NHSL2: variants seen among roughly 807,000 people sequenced by gnomAD.
NHSL2 encodes the protein NHS like 2, also known as NHS-like protein 2.
In NHSL2, 27 loss-of-function variants were observed where a neutral mutation model predicts 53.4. That is an observed-to-expected ratio of 0.51 (90% CI 0.37 to 0.70). NHSL2 has a LOEUF of 0.70. Among genes scored for constraint, NHSL2 ranks in the 30% least tolerant of loss-of-function variants. The pLI, the probability that NHSL2 is intolerant of heterozygous loss-of-function variation, is 0.00. For missense variants in NHSL2, 892 were observed against 980.1 expected, an observed-to-expected ratio of 0.91 and a Z score of 1.20; for synonymous variants, 408 against 404.1, an observed-to-expected ratio of 1.01 and a Z score of -0.12.
intron 1 of NHSL2, among the ~76,000 whole-genome samples, chrX:71,965,188 C>A (rs1409916247): frequency 8.9e-6 from 1 of 112,433 alleles, no homozygotes; most frequent in Admixed American, 9.4e-5. Flanking sequence ...CATCACCATA[C>A]ACCAGGTCAT....
chrX:71,923,743 G>A (rs1398066032), intron 1 of NHSL2, among the ~76,000 whole-genome samples: 4 of 111,850 alleles, frequency 3.6e-5, no homozygotes, highest in African/African-American at 6.5e-5. Context: ...GTTGTTTGAC[G>A]TGGCTGTGCT....
chrX:71,921,017 C>T, intron 1 of NHSL2, among the ~76,000 whole-genome samples: 1 of 109,036 alleles, frequency 9.2e-6, no homozygotes, highest in South Asian at 4.2e-4. Flanking sequence ...GTTGGTCAGG[C>T]TGGTCTTGAA....
At chrX:72,007,703 G>A (rs2042100156) in intron 1 of NHSL2, among the ~76,000 whole-genome samples, 1 of 113,271 alleles carries the variant, frequency 8.8e-6, no homozygotes, top group Non-Finnish European at 1.9e-5. Context: ...AGGTCCTAAG[G>A]AGGGTTAAGA....
intron 1 of NHSL2, among the ~76,000 whole-genome samples, chrX:72,026,816 G>A (rs1371716134): frequency 1.8e-5 from 2 of 111,911 alleles, no homozygotes; most frequent in Non-Finnish European, 3.8e-5. Context: ...GATCACATCC[G>A]GATTCCACCA....
intron 1 of NHSL2, among the ~76,000 whole-genome samples, chrX:72,061,620 C>T (rs1300001053): frequency 8.9e-6 from 1 of 112,086 alleles, no homozygotes; most frequent in East Asian, 2.8e-4. Context: ...ACATGGTGGT[C>T]TTTTAAACAT....
At position 71,978,123 on chromosome X, in the gene NHSL2, C is replaced by T. The variant is rs754755647; in HGVS notation, c.280+66756C>T. Among the ~76,000 whole-genome samples the T allele has an allele frequency of 6.2e-5, 7 of 112,666 alleles. No individual in the cohort carries two copies. The South Asian group carries it at 2.5e-3, about 41-fold the overall frequency. On this transcript the variant is annotated intron_variant, in intron 1 of 7. Transcript: ENST00000633930. ...TAAACAAATTAATTCATCTAAAGTG[C>T]TTAGCGCAGTACCTACCACATAAGA...
At chrX:72,092,723 A>AGAC (rs1169385726) in intron 1 of NHSL2, among the ~76,000 whole-genome samples, 2 of 107,580 alleles carry the variant, frequency 1.9e-5, no homozygotes, top group African/African-American at 7.7e-5. Context: ...TTGATATTTT[A>AGAC]GACTTAAGGC....
chrX:72,107,297 A>G (rs1459181814), intron 1 of NHSL2, among the ~76,000 whole-genome samples: 2 of 111,206 alleles, frequency 1.8e-5, no homozygotes, highest in Middle Eastern at 4.3e-3. Flanking sequence ...ATAAATAAAT[A>G]AACAATAAAT....
chrX:72,106,159 C>T (rs2042037669), intron 1 of NHSL2, among the ~76,000 whole-genome samples: 1 of 110,165 alleles, frequency 9.1e-6, no homozygotes, highest in African/African-American at 3.3e-5. Context: ...TGCAGTGAGC[C>T]GAGATCGCGC....
At chrX:72,048,724 T>A (rs2042319448) in intron 1 of NHSL2, among the ~76,000 whole-genome samples, 1 of 110,021 alleles carries the variant, frequency 9.1e-6, no homozygotes. Flanking sequence ...GGCTTCAGGC[T>A]TCTTGGACTT....
intron 1 of NHSL2, among the ~76,000 whole-genome samples, chrX:71,919,661 C>A (rs1187250807): frequency 1.8e-5 from 2 of 111,611 alleles, no homozygotes; most frequent in Non-Finnish European, 3.8e-5. Flanking sequence ...TCATTCTCCC[C>A]CACTGACATC....
intron 1 of NHSL2, among the ~76,000 whole-genome samples, chrX:71,980,723 T>A (rs181443996): frequency 9.0e-6 from 1 of 111,047 alleles, no homozygotes; most frequent in Non-Finnish European, 1.9e-5. Context: ...ATGGGCCTGA[T>A]GCAAATCCTA....
At chrX:72,041,638 T>A (rs1415858709) in intron 1 of NHSL2, among the ~76,000 whole-genome samples, 1 of 112,071 alleles carries the variant, frequency 8.9e-6, no homozygotes, top group Non-Finnish European at 1.9e-5. Context: ...GGCACCCTGC[T>A]CTTCTCCTCC....
chrX:72,085,870 A>AC (rs1383027447), intron 1 of NHSL2, among the ~76,000 whole-genome samples: 2 of 107,417 alleles, frequency 1.9e-5, no homozygotes, highest in Non-Finnish European at 3.8e-5. Flanking sequence ...CTTTGTGCCC[A>AC]CCCTCCTCCT....
At chrX:72,052,368 A>G (rs1422025924) in intron 1 of NHSL2, among the ~76,000 whole-genome samples, 1 of 112,720 alleles carries the variant, frequency 8.9e-6, no homozygotes, top group Non-Finnish European at 1.9e-5. Flanking sequence ...GCTTGCTTGC[A>G]TGGCAGGTCG....
intron 1 of NHSL2, among the ~76,000 whole-genome samples, chrX:72,094,668 C>T (rs767935184): frequency 1.8e-5 from 2 of 111,111 alleles, no homozygotes; most frequent in Non-Finnish European, 3.8e-5. Flanking sequence ...CCCCTTCTCT[C>T]CCAGACATCA....
chrX:71,925,515 C>T (rs2041680497), intron 1 of NHSL2, among the ~76,000 whole-genome samples: 1 of 109,779 alleles, frequency 9.1e-6, no homozygotes, highest in Admixed American at 9.7e-5. Flanking sequence ...CAAGCTCCGC[C>T]TCCTGGGTTA....
At chrX:71,991,848 C>CTG (rs1556322218) in intron 1 of NHSL2, among the ~76,000 whole-genome samples, 2 of 108,804 alleles carry the variant, frequency 1.8e-5, no homozygotes, top group Admixed American at 9.7e-5. Context: ...CTCTCTCTCT[C>CTG]TCTGTCTTTG....
intron 1 of NHSL2, among the ~76,000 whole-genome samples, chrX:71,954,141 G>A (rs1010706387): frequency 8.9e-6 from 1 of 112,247 alleles, no homozygotes; most frequent in Non-Finnish European, 1.9e-5. Flanking sequence ...AAGGGACTGA[G>A]GCATCTGGCG....
Sources: gnomAD v4.1 joint callset for allele counts (sites outside exome capture counted in the v4.1 genomes callset) on GRCh38, gnomAD v4.1.1 for gene constraint, MANE v1.5 for transcripts, NCBI Gene and HGNC (gene_info 2026-07-23, HGNC 2026-07-21) for gene names.